ERC2: variants seen among roughly 807,000 people sequenced by gnomAD.
The protein encoded by ERC2 is ELKS/RAB6-interacting/CAST family member 2.
Under a neutral mutation model 114.8 loss-of-function variants are expected in ERC2, and 42 were observed. The observed-to-expected ratio is 0.37, with a 90% CI of 0.29 to 0.47. The LOEUF (loss-of-function observed/expected upper bound fraction) is 0.47. ERC2 is among the 20% of genes least tolerant of loss of function. The probability of loss-of-function intolerance (pLI) is 0.99; values close to 1 mark genes in which losing one functional copy is unlikely to be tolerated. For missense variants in ERC2, 939 were observed against 1,150.7 expected, an observed-to-expected ratio of 0.82 and a Z score of 2.66; for synonymous variants, 454 against 425.5, an observed-to-expected ratio of 1.07 and a Z score of -0.82.
At chr3:56,014,541 A>T (rs2073175606) in intron 8 of ERC2, among the ~76,000 whole-genome samples, 1 of 152,180 alleles carries the variant, frequency 6.6e-6, no homozygotes, top group African/African-American at 2.4e-5. Context: ...CAGTAAAGAC[A>T]GTCCAAGGGG....
At chr3:56,212,116 G>T (rs1205698898) in intron 3 of ERC2, among the ~76,000 whole-genome samples, 1 of 152,052 alleles carries the variant, frequency 6.6e-6, no homozygotes, top group African/African-American at 2.4e-5. Context: ...AAACTAAAAA[G>T]CTTCTGTACA....
At chr3:56,230,546 C>T (rs949384290) in intron 3 of ERC2, among the ~76,000 whole-genome samples, 3 of 152,090 alleles carry the variant, frequency 2.0e-5, no homozygotes, top group Non-Finnish European at 4.4e-5. Flanking sequence ...AGACATGAGC[C>T]GCCACAGTTG....
chr3:56,365,020 T>C (rs1283222486), intron 2 of ERC2, among the ~76,000 whole-genome samples: 4 of 152,208 alleles, frequency 2.6e-5, no homozygotes, highest in African/African-American at 7.2e-5. Context: ...AATAATGTTA[T>C]TTACTTCATA....
At chr3:56,425,919 A>G (rs1351523763) in intron 2 of ERC2, among the ~76,000 whole-genome samples, 1 of 152,214 alleles carries the variant, frequency 6.6e-6, no homozygotes, top group Non-Finnish European at 1.5e-5. Context: ...GCAATTTCTC[A>G]GAGATGGCAG....
At chr3:55,952,169 ACACACACACAC>A (rs1285128565) in intron 12 of ERC2, among the ~76,000 whole-genome samples, 3,813 of 60,580 alleles carry the variant, frequency 0.063, 346 homozygotes, top group Middle Eastern at 0.18. Context: ...ACACACACAC[ACACACACACAC>A]TCTCTCTCTC....
At chr3:55,555,379 CT>C (rs2055530942) in intron 17 of ERC2, among the ~76,000 whole-genome samples, 1 of 152,128 alleles carries the variant, frequency 6.6e-6, no homozygotes, top group African/African-American at 2.4e-5. Flanking sequence ...AAGCTGAGTC[CT>C]GAGCAAGACC....
At chr3:55,834,053 G>C (rs1163044683) in intron 14 of ERC2, among the ~76,000 whole-genome samples, 1 of 151,604 alleles carries the variant, frequency 6.6e-6, no homozygotes, top group Admixed American at 6.6e-5. Flanking sequence ...TCAACAAGAA[G>C]AGCTAACTAT....
At chr3:56,276,776 G>A (rs2054029264) in intron 3 of ERC2, among the ~76,000 whole-genome samples, 1 of 152,160 alleles carries the variant, frequency 6.6e-6, no homozygotes, top group South Asian at 2.1e-4. Context: ...ATTGGAAGAA[G>A]AATTGTCCTA....
At chr3:56,458,384 T>G (rs2063160243) in intron 1 of ERC2, among the ~76,000 whole-genome samples, 1 of 152,214 alleles carries the variant, frequency 6.6e-6, no homozygotes, top group African/African-American at 2.4e-5. Flanking sequence ...GCTATGTCTC[T>G]GTATCCAAAA....
At chr3:55,916,646 A>G (rs1195005387) in intron 13 of ERC2, among the ~76,000 whole-genome samples, 2 of 152,106 alleles carry the variant, frequency 1.3e-5, no homozygotes, top group African/African-American at 4.8e-5. Context: ...CCTACCACCC[A>G]GAGTTCGCCC....
At chr3:56,173,118 G>A (rs2082769520) in intron 4 of ERC2, among the ~76,000 whole-genome samples, 1 of 152,092 alleles carries the variant, frequency 6.6e-6, no homozygotes, top group Admixed American at 6.6e-5. Context: ...GATGTGAATA[G>A]GAGGAAAAGA....
intron 14 of ERC2, among the ~76,000 whole-genome samples, chr3:55,790,325 G>A (rs945147976): frequency 2.6e-5 from 4 of 152,108 alleles, no homozygotes; most frequent in Non-Finnish European, 5.9e-5. Flanking sequence ...TTCTCTGGAA[G>A]CGCTTCCCCG....
At chr3:55,723,356 C>T (rs187211379) in intron 15 of ERC2, among the ~76,000 whole-genome samples, 1 of 152,028 alleles carries the variant, frequency 6.6e-6, no homozygotes, top group Admixed American at 6.5e-5. Flanking sequence ...CTATTATGAG[C>T]AAATATTATT....
chr3:56,110,565 A>G (rs1453974895), intron 6 of ERC2, among the ~76,000 whole-genome samples: 4 of 152,202 alleles, frequency 2.6e-5, no homozygotes, highest in Non-Finnish European at 5.9e-5. Flanking sequence ...TATAATGTAC[A>G]TACAACATAA....
intron 17 of ERC2, 37 bp downstream of exon 17, chr3:55,683,757 T>C: frequency 1.3e-6 from 2 of 1,561,056 alleles, no homozygotes; most frequent in South Asian, 2.3e-5. Flanking sequence ...TAGAATGCAA[T>C]TTTTTAATAA....
At chr3:55,953,827 G>A (rs1045929962) in intron 12 of ERC2, among the ~76,000 whole-genome samples, 2 of 152,054 alleles carry the variant, frequency 1.3e-5, no homozygotes, top group African/African-American at 4.8e-5. Flanking sequence ...TTCAGCATTT[G>A]TAAGAATAAA....
At chr3:55,899,237 T>C (rs973120251) in intron 13 of ERC2, among the ~76,000 whole-genome samples, 18 of 152,360 alleles carry the variant, frequency 1.2e-4, no homozygotes, top group African/African-American at 4.3e-4. Flanking sequence ...TTAAATTCAG[T>C]ATAACTAATG....
intron 14 of ERC2, among the ~76,000 whole-genome samples, chr3:55,827,045 G>C (rs1207586164): frequency 6.6e-6 from 1 of 152,158 alleles, no homozygotes; most frequent in Admixed American, 6.5e-5. Flanking sequence ...TATAACCTCA[G>C]ATGGCTGCCT....
chr3:55,755,065 T>G (rs2148978988), intron 14 of ERC2, among the ~76,000 whole-genome samples: 1 of 151,354 alleles, frequency 6.6e-6, no homozygotes, highest in African/African-American at 2.4e-5. Flanking sequence ...ACAGTCCTAG[T>G]GATTGGCTAT....
Sources: gnomAD v4.1 joint callset for allele counts (sites outside exome capture counted in the v4.1 genomes callset) on GRCh38, gnomAD v4.1.1 for gene constraint, MANE v1.5 for transcripts, NCBI Gene and HGNC (gene_info 2026-07-23, HGNC 2026-07-21) for gene names.